Variants in TNFRSF11B observed in about 807,000 individuals in gnomAD.
TNFRSF11B encodes TNF receptor superfamily member 11b, also known as tumor necrosis factor receptor superfamily member 11B.
Under a neutral mutation model 43.4 loss-of-function variants are expected in TNFRSF11B, and 16 were observed. The observed-to-expected ratio is 0.37, with a 90% confidence interval of 0.25 to 0.56. TNFRSF11B has a LOEUF of 0.56. TNFRSF11B is among the 20% of genes least tolerant of loss of function. The pLI is 0.80. For synonymous variants in TNFRSF11B, 185 were observed against 181.8 expected, an observed-to-expected ratio of 1.02 and a Z score of -0.14; for missense variants, 444 against 490.1, an observed-to-expected ratio of 0.91 and a Z score of 0.89.
chr8:118,928,310 C>G (rs762968920), intron 3 of TNFRSF11B, among the ~76,000 whole-genome samples: 49 of 152,178 alleles, frequency 3.2e-4, no homozygotes, highest in Non-Finnish European at 6.3e-4. Context: ...GAGTAAGCCA[C>G]CATGCCTGGC....
At chr8:118,950,958 T>G (rs1197668391) in intron 1 of TNFRSF11B, among the ~76,000 whole-genome samples, 2 of 152,214 alleles carry the variant, frequency 1.3e-5, no homozygotes, top group East Asian at 1.9e-4. Context: ...CATATCTTGA[T>G]GTACTCTACA....
chr8:118,928,714 A>G, intron 3 of TNFRSF11B, 24 bp downstream of exon 3: 2 of 1,611,310 alleles, frequency 1.2e-6, no homozygotes, highest in Non-Finnish European at 1.7e-6. Flanking sequence ...AATCGTACAA[A>G]GACGTATTTT....
At chr8:118,938,790 T>G (rs1210804260) in intron 1 of TNFRSF11B, among the ~76,000 whole-genome samples, 1 of 152,228 alleles carries the variant, frequency 6.6e-6, no homozygotes, top group Non-Finnish European at 1.5e-5. Flanking sequence ...ATTCTACTGG[T>G]GTATGCATCT....
intron 3 of TNFRSF11B, among the ~76,000 whole-genome samples, chr8:118,927,133 ATAGTGT>A (rs1440118559): frequency 1.3e-5 from 2 of 152,252 alleles, no homozygotes; most frequent in Non-Finnish European, 2.9e-5. Context: ...GTAATTTGGA[ATAGTGT>A]GTTATTTTTT....
intron 4 of TNFRSF11B, among the ~76,000 whole-genome samples, chr8:118,925,367 A>G (rs543087356): frequency 2.7e-4 from 41 of 152,330 alleles, no homozygotes; most frequent in African/African-American, 9.4e-4. Flanking sequence ...GTCACTTAGT[A>G]TCTGTGAGCC....
chr8:118,941,719 CAAAAAAA>C (rs1812490498), intron 1 of TNFRSF11B, among the ~76,000 whole-genome samples: 1 of 150,330 alleles, frequency 6.7e-6, no homozygotes, highest in Non-Finnish European at 1.5e-5. Flanking sequence ...CAAATGAAGG[CAAAAAAA>C]CAAAAAACAA....
At position 118,939,829 on chromosome 8, in the gene TNFRSF11B, A is replaced by T. The variant is rs558542057; in HGVS notation, c.31-6529T>A. On this transcript the variant is annotated intron_variant, in intron 1 of 4. Coordinates refer to ENST00000297350, the MANE Select transcript of TNFRSF11B (RefSeq NM_002546.4). ...CTAGAAGCAGAGAGACTGGAGTGACATTACCCAAAGAAATTGTGTACAAGC... is the reference window on the plus strand; with the variant it reads ...CTAGAAGCAGAGAGACTGGAGTGACTTTACCCAAAGAAATTGTGTACAAGC... Among the ~76,000 whole-genome samples the T allele has an allele frequency of 2.0e-5, 3 of 152,242 alleles. No individual in the cohort carries two copies. The East Asian group carries it at 5.8e-4, about 29-fold the overall frequency.
At chr8:118,948,723 C>A (rs1308745783) in intron 1 of TNFRSF11B, among the ~76,000 whole-genome samples, 1 of 151,746 alleles carries the variant, frequency 6.6e-6, no homozygotes, top group Non-Finnish European at 1.5e-5. Context: ...GAGGGTATGT[C>A]AGATTTTCCT....
intron 3 of TNFRSF11B, among the ~76,000 whole-genome samples, chr8:118,927,551 A>ATTTTTTTTTTT (rs10675780): frequency 7.3e-6 from 1 of 136,214 alleles, no homozygotes; most frequent in African/African-American, 2.7e-5. Context: ...CCCTTCCTTC[A>ATTTTTTTTTTT]TTTTTTTTTT....
chr8:118,926,434 G>A (rs1478069017), intron 4 of TNFRSF11B, 60 bp downstream of exon 4: 4 of 1,430,584 alleles, frequency 2.8e-6, no homozygotes, highest in Middle Eastern at 1.8e-4. Context: ...CTTGTTCCTG[G>A]TTTATGATAA....
Position 118,924,626 on chromosome 8 carries a change from T to C in TNFRSF11B, c.954A>G (p.Ala318=). 1 of 1,614,176 alleles carries C rather than the reference T, an allele frequency of 6.2e-7. No individual in the cohort carries two copies. The highest frequency in any genetic ancestry group is 8.5e-7 in the Non-Finnish European group (1 of 1,180,030). Residue 318 remains alanine, a synonymous_variant, in exon 5 of 5, where the codon GCA becomes GCG. Coordinates refer to ENST00000297350, the MANE Select transcript of TNFRSF11B (RefSeq NM_002546.4). ...TCAGGATCTGGTCACTGGGTTTGCA[T>C]GCCTTTATTGTTTTTTCAATGTCTT... ...GAEDIEKTIK[A]CKPSDQILKL...
chr8:118,939,457 G>A (rs926886234), intron 1 of TNFRSF11B, among the ~76,000 whole-genome samples: 3 of 152,176 alleles, frequency 2.0e-5, no homozygotes, highest in African/African-American at 7.2e-5. Context: ...ACTCAATAGA[G>A]AAACAGGTTG....
rs11573892 is a variant in TNFRSF11B at position 118,935,576 on chromosome 8, ATAAT to A, written c.31-2280_31-2277del. 9.3e-3 allele frequency among the ~76,000 whole-genome samples: 1,416 copies of A among 152,222 alleles called. 22 individuals carry two copies. Among genetic ancestry groups the A allele is most frequent in the African/African-American group, 0.031 (1,304 of 41,540 alleles). ...TAATGGGACAACTTTCAGGGCTTCTATAATTAATTCTCCTATAATATATATAGGA... is the reference window on the plus strand; with the variant it reads ...TAATGGGACAACTTTCAGGGCTTCTATAATTCTCCTATAATATATATAGGA... On this transcript the variant is annotated intron_variant, in intron 1 of 4. Transcript: ENST00000297350.
intron 2 of TNFRSF11B, among the ~76,000 whole-genome samples, chr8:118,929,601 GA>G (rs1205834418): frequency 5.3e-5 from 8 of 152,236 alleles, no homozygotes; most frequent in Admixed American, 3.9e-4. Flanking sequence ...AAAACTTCAG[GA>G]AGGGTGACTG....
intron 1 of TNFRSF11B, among the ~76,000 whole-genome samples, chr8:118,935,014 T>C (rs1357416349): frequency 6.6e-6 from 1 of 152,188 alleles, no homozygotes; most frequent in African/African-American, 2.4e-5. Context: ...GAATGAAACA[T>C]CTCATCCGGT....
chr8:118,934,006 G>T (rs576847200), intron 1 of TNFRSF11B, among the ~76,000 whole-genome samples: 37 of 152,222 alleles, frequency 2.4e-4, no homozygotes, highest in Non-Finnish European at 5.1e-4. Flanking sequence ...TTTTAAAAAA[G>T]GAGAGAGAGC....
In TNFRSF11B at chr8:118,924,338, C is replaced by T. The variant is rs781448583; in HGVS notation, c.*36G>A. 3.7e-6 allele frequency: 6 copies of T among 1,612,474 alleles called. No homozygotes were observed. The East Asian group carries it at 8.9e-5, about 24-fold the overall frequency. On this transcript the variant is annotated 3_prime_UTR_variant, in exon 5 of 5. Coordinates refer to ENST00000297350, the MANE Select transcript of TNFRSF11B (RefSeq NM_002546.4). The stretch of plus-strand genomic sequence containing the variant: ...CAGTTTACTCATCCATGGGATCTCG[C>T]CAATTGTGAGGAAACAGCTCAATGG...
intron 1 of TNFRSF11B, among the ~76,000 whole-genome samples, chr8:118,941,044 A>C (rs1301362823): frequency 6.6e-6 from 1 of 152,194 alleles, no homozygotes; most frequent in African/African-American, 2.4e-5. Context: ...TCACCATGTA[A>C]AGGATACATT....
intron 4 of TNFRSF11B, 84 bp downstream of exon 4, chr8:118,926,408 TAA>T: frequency 8.8e-6 from 11 of 1,243,960 alleles, no homozygotes; most frequent in Non-Finnish European, 1.3e-5. Flanking sequence ...TCCACACAAC[TAA>T]ACATACATGC....
Sources: allele counts gnomAD v4.1 joint callset (sites outside exome capture counted in the v4.1 genomes callset), GRCh38; gene constraint gnomAD v4.1.1; transcripts MANE v1.5; gene names NCBI Gene and HGNC (gene_info 2026-07-23, HGNC 2026-07-21).